HIF1A: variants seen among roughly 807,000 people sequenced by gnomAD.
HIF1A encodes the protein hypoxia-inducible factor 1-alpha.
A neutral mutation model predicts 92.7 loss-of-function variants in HIF1A; 24 were observed. The ratio of observed to expected loss-of-function variants is 0.26; its 90% confidence interval spans 0.19 to 0.36. HIF1A has a LOEUF of 0.36. Among genes scored for constraint, HIF1A ranks in the 10% least tolerant of loss-of-function variants. The pLI is 1.00. For synonymous variants in HIF1A, 319 were observed against 338.7 expected (o/e 0.94, Z 0.64); for missense variants, 799 against 998.5 (o/e 0.80, Z 2.69).
At chr14:61,741,244 A>C (rs548499301) in intron 12 of HIF1A, 56 bp downstream of exon 12, 2 of 1,210,494 alleles carry the variant, frequency 1.7e-6, no homozygotes, top group Non-Finnish European at 2.3e-6. Flanking sequence ...AGATAAATGT[A>C]TGTGATAGTA....
intron 1 of HIF1A, among the ~76,000 whole-genome samples, chr14:61,710,789 G>T (rs755608073): frequency 1.3e-5 from 2 of 152,028 alleles, no homozygotes; most frequent in Non-Finnish European, 2.9e-5. Flanking sequence ...GGCCAGGCGC[G>T]GTGGCTCACG....
At chr14:61,717,623 T>G (rs1361708409) in intron 1 of HIF1A, among the ~76,000 whole-genome samples, 2 of 152,214 alleles carry the variant, frequency 1.3e-5, no homozygotes, top group Non-Finnish European at 2.9e-5. Flanking sequence ...TGGATTTGTC[T>G]TAGACACTTA....
In HIF1A at chr14:61,745,715, G is replaced by C. The variant is rs979968854; in HGVS notation, c.2227G>C (p.Asp743His). Residue 743 changes from aspartate (D) to histidine (H), a missense_variant, in exon 14 of 15, where the codon GAT (aspartate) becomes CAT (histidine). Physicochemically the swap from Asp to His is moderately conservative, Grantham distance 81. Coordinates refer to ENST00000337138, the MANE Select transcript of HIF1A (RefSeq NM_001530.4). ...GGGAACATTATTACAGCAGCCAGACGATCATGCAGCTACTACATCACTTTC... is the reference window on the plus strand; with the variant it reads ...GGGAACATTATTACAGCAGCCAGACCATCATGCAGCTACTACATCACTTTC... ...GIGTLLQQPD[D>H]HAATTSLSWK... The C allele has an allele frequency of 1.9e-6, 3 of 1,612,740 alleles. No individual in the cohort carries two copies. Among genetic ancestry groups the C allele is most frequent in the Non-Finnish European group, 2.5e-6 (3 of 1,178,990 alleles).
chr14:61,709,610 A>G (rs959403500), intron 1 of HIF1A, among the ~76,000 whole-genome samples: 1 of 152,210 alleles, frequency 6.6e-6, no homozygotes, highest in Non-Finnish European at 1.5e-5. Flanking sequence ...TGTGCCGTTT[A>G]GATAATAATG....
chr14:61,724,367 C>CTCTCTCTA (rs1555338405), intron 4 of HIF1A, among the ~76,000 whole-genome samples: 3 of 149,968 alleles, frequency 2.0e-5, no homozygotes, highest in African/African-American at 7.3e-5. Context: ...CTCTCTCTCT[C>CTCTCTCTA]TCTCTCTCTC....
At chr14:61,705,671 G>T (rs2044230658) in intron 1 of HIF1A, among the ~76,000 whole-genome samples, 1 of 152,148 alleles carries the variant, frequency 6.6e-6, no homozygotes, top group Non-Finnish European at 1.5e-5. Flanking sequence ...ATGGGGAAAA[G>T]GGTGGAGATT....
intron 12 of HIF1A, among the ~76,000 whole-genome samples, chr14:61,742,513 G>A (rs146692317): frequency 6.6e-6 from 1 of 152,202 alleles, no homozygotes; most frequent in East Asian, 1.9e-4. Flanking sequence ...TGAGCTCCAC[G>A]AGGGCAATCA....
intron 10 of HIF1A, among the ~76,000 whole-genome samples, chr14:61,739,310 CT>C (rs1312195011): frequency 1.3e-5 from 2 of 152,148 alleles, no homozygotes. Context: ...CTGGCCAAGA[CT>C]TAGAGATATC....
chr14:61,745,767 C>A lies in HIF1A; in HGVS notation c.2279C>A (p.Ser760Tyr), dbSNP rs1363284799. 3.1e-6 allele frequency: 5 copies of A among 1,611,756 alleles called. No homozygotes were observed. Among genetic ancestry groups the A allele is most frequent in the Non-Finnish European group, 4.2e-6 (5 of 1,177,998 alleles). Residue 760 changes from serine to tyrosine, a missense_variant, in exon 14 of 15, where the codon TCT (serine) becomes TAT (tyrosine). Transcript: ENST00000337138. Reference sequence around the variant, plus strand: ...TGGAAACGTGTAAAAGGATGCAAATCTAGTGAACAGAATGGAATGGAGCAA... The same window carrying A: ...TGGAAACGTGTAAAAGGATGCAAATATAGTGAACAGAATGGAATGGAGCAA... ...LSWKRVKGCKSSEQNGMEQKT... is the reference protein window; with the variant it reads ...LSWKRVKGCKYSEQNGMEQKT...
intron 4 of HIF1A, among the ~76,000 whole-genome samples, chr14:61,725,204 A>G (rs940698568): frequency 5.3e-5 from 8 of 152,168 alleles, no homozygotes; most frequent in Non-Finnish European, 7.4e-5. Flanking sequence ...AAGCATTTTT[A>G]TAAGTCTCAA....
In HIF1A at chr14:61,695,812, G is replaced by A. The variant is rs547805630; in HGVS notation, c.8G>A (p.Gly3Asp). The A allele has an allele frequency of 1.9e-6, 3 of 1,595,908 alleles. No individual in the cohort carries two copies. Among genetic ancestry groups the A allele is most frequent in the East Asian group, 2.3e-5 (1 of 44,016 alleles). ME[G>D]AGGANDKKKI... Reference sequence around the variant, plus strand: ...CGCGGGGACCGATTCACCATGGAGGGCGCCGGCGGCGCGAACGACAAGAAA... The same window carrying A: ...CGCGGGGACCGATTCACCATGGAGGACGCCGGCGGCGCGAACGACAAGAAA... The change falls in exon 1 of 15, where the codon GGC becomes GAC. Residue 3 changes from glycine (G) to aspartate (D), a missense_variant. Gly to Asp is a moderately conservative substitution (Grantham distance 94). This residue lies in a region of HIF1A where 516 missense variants were observed against 721.0 expected (regional missense o/e 0.72). Transcript: ENST00000337138.
chr14:61,695,968 TC>T (rs2044109208), intron 1 of HIF1A, 129 bp downstream of exon 1: 3 of 791,346 alleles, frequency 3.8e-6, no homozygotes, highest in Non-Finnish European at 2.0e-6. Context: ...CTGCTGCTGC[TC>T]CCCTCCCCTC....
intron 1 of HIF1A, among the ~76,000 whole-genome samples, chr14:61,705,038 T>TA (rs749474878): frequency 4.6e-5 from 7 of 152,160 alleles, no homozygotes; most frequent in Non-Finnish European, 1.0e-4. Flanking sequence ...TTTTCAGACA[T>TA]ACATACACAA....
At chr14:61,744,884 TG>T in intron 13 of HIF1A, 71 bp downstream of exon 13, 1 of 650,172 alleles carries the variant, frequency 1.5e-6, no homozygotes, top group Non-Finnish European at 2.7e-6. Flanking sequence ...TGTGTGTGTG[TG>T]TGTGTGTGTT....
chr14:61,730,135 A>G lies in HIF1A; in HGVS notation c.774-2283A>G, dbSNP rs1041354101. Reference sequence around the variant, plus strand: ...GAAGATGAACAGTTCCTGCCTCAAAATAAATGAGTAGTATACTGCTTTAGA... The same window carrying G: ...GAAGATGAACAGTTCCTGCCTCAAAGTAAATGAGTAGTATACTGCTTTAGA... On this transcript the variant is annotated intron_variant, in intron 6 of 14. Coordinates refer to ENST00000337138, the MANE Select transcript of HIF1A (RefSeq NM_001530.4). Among the ~76,000 whole-genome samples the G allele has an allele frequency of 3.9e-5, 6 of 152,302 alleles. No individual in the cohort carries two copies. The East Asian group carries it at 9.6e-4, about 24-fold the overall frequency.
intron 9 of HIF1A, among the ~76,000 whole-genome samples, chr14:61,737,479 A>G (rs959690616): frequency 3.9e-5 from 6 of 152,242 alleles, no homozygotes; most frequent in African/African-American, 1.4e-4. Context: ...TATAACATCA[A>G]GCATTGAAGA....
chr14:61,704,043 C>A (rs147282992), intron 1 of HIF1A, among the ~76,000 whole-genome samples: 92 of 152,214 alleles, frequency 6.0e-4, no homozygotes, highest in African/African-American at 2.1e-3. Context: ...ACTGTGTGAT[C>A]TTACACAAAT....
At chr14:61,711,118 T>G (rs1391567483) in intron 1 of HIF1A, among the ~76,000 whole-genome samples, 1 of 150,994 alleles carries the variant, frequency 6.6e-6, no homozygotes. Flanking sequence ...AGCACTTTCT[T>G]GAAAAAGACT....
At chr14:61,697,781 GT>G in intron 1 of HIF1A, 2 of 1,445,452 alleles carry the variant, frequency 1.4e-6, no homozygotes, top group African/African-American at 1.4e-5. Context: ...CTAATTTACA[GT>G]TTTTTGAAAG....
Sources: allele counts gnomAD v4.1 joint callset (sites outside exome capture counted in the v4.1 genomes callset), GRCh38; gene constraint gnomAD v4.1.1; regional missense constraint gnomAD v4.1.1; transcripts MANE v1.5; gene names NCBI Gene and HGNC (gene_info 2026-07-23, HGNC 2026-07-21).